The following NOVA1 variants were observed in gnomAD, a reference collection of about 807,000 sequenced individuals.
The protein encoded by NOVA1 is RNA-binding protein Nova-1.
NOVA1 carries 7 observed loss-of-function variants against 38.0 expected under a neutral mutation model. That is an observed-to-expected ratio of 0.18 (90% confidence interval 0.10 to 0.35). The LOEUF (loss-of-function observed/expected upper bound fraction) is 0.35, where lower values mean the gene tolerates loss of function less well. NOVA1 is among the 10% of genes least tolerant of loss of function. The pLI is 1.00. For missense variants in NOVA1, 460 were observed against 616.0 expected (o/e 0.75, Z 2.68); for synonymous variants, 270 against 232.5 (o/e 1.16, Z -1.47).
chr14:26,584,776 C>T (rs1331441499), intron 2 of NOVA1, among the ~76,000 whole-genome samples: 1 of 151,440 alleles, frequency 6.6e-6, no homozygotes, highest in Non-Finnish European at 1.5e-5. Flanking sequence ...TCGAAGTCTT[C>T]TTCGAAATCT....
intron 2 of NOVA1, among the ~76,000 whole-genome samples, chr14:26,540,130 C>T (rs1890368908): frequency 6.6e-6 from 1 of 152,166 alleles, no homozygotes; most frequent in Admixed American, 6.5e-5. Context: ...CCCCAATCAG[C>T]CATCCCCACT....
At chr14:26,451,111 A>T (rs890585632) in intron 4 of NOVA1, among the ~76,000 whole-genome samples, 3 of 152,176 alleles carry the variant, frequency 2.0e-5, no homozygotes, top group Admixed American at 1.3e-4. Flanking sequence ...ATAAAAGGTA[A>T]TGAAATTTTA....
intron 1 of NOVA1, 107 bp downstream of exon 1, chr14:26,597,194 G>C: frequency 3.4e-6 from 4 of 1,162,564 alleles, no homozygotes; most frequent in East Asian, 3.2e-5. Context: ...GGAGGTGTCC[G>C]GGCCGCGGGA....
intron 4 of NOVA1, among the ~76,000 whole-genome samples, chr14:26,462,604 T>C (rs1883777432): frequency 6.6e-6 from 1 of 152,154 alleles, no homozygotes. Context: ...AATAAAAATA[T>C]TACATATGTT....
chr14:26,576,866 T>C (rs1365294536), intron 2 of NOVA1, among the ~76,000 whole-genome samples: 1 of 151,978 alleles, frequency 6.6e-6, no homozygotes, highest in Non-Finnish European at 1.5e-5. Context: ...TTTTTTGGTG[T>C]GATAAGAGCA....
intron 2 of NOVA1, among the ~76,000 whole-genome samples, chr14:26,483,543 G>A (rs952779607): frequency 6.6e-6 from 1 of 152,032 alleles, no homozygotes; most frequent in Non-Finnish European, 1.5e-5. Flanking sequence ...AAAACATCAG[G>A]TATTACCAAC....
At chr14:26,567,534 G>A (rs1191899791) in intron 2 of NOVA1, among the ~76,000 whole-genome samples, 2 of 151,870 alleles carry the variant, frequency 1.3e-5, no homozygotes, top group Non-Finnish European at 2.9e-5. Context: ...GGACTCAAGC[G>A]ATCCTCCTGC....
chr14:26,512,625 T>C (rs1407974452), intron 2 of NOVA1, among the ~76,000 whole-genome samples: 2 of 152,082 alleles, frequency 1.3e-5, no homozygotes, highest in African/African-American at 4.8e-5. Context: ...TTACCCACAC[T>C]AAAAGCTTTA....
chr14:26,496,041 T>C (rs1245520044), intron 2 of NOVA1, among the ~76,000 whole-genome samples: 17 of 142,830 alleles, frequency 1.2e-4, no homozygotes, highest in African/African-American at 4.3e-4. Context: ...CAAATGGTAT[T>C]TCTAGTTCTA....
At chr14:26,504,337 T>C (rs1334096426) in intron 2 of NOVA1, among the ~76,000 whole-genome samples, 1 of 152,218 alleles carries the variant, frequency 6.6e-6, no homozygotes, top group Non-Finnish European at 1.5e-5. Flanking sequence ...GTATTTTCAA[T>C]ATACACACTT....
At chr14:26,497,207 G>A (rs1321110271) in intron 2 of NOVA1, among the ~76,000 whole-genome samples, 2 of 152,100 alleles carry the variant, frequency 1.3e-5, no homozygotes, top group South Asian at 2.1e-4. Context: ...TTGCTTCTAA[G>A]AGAATAAAAT....
At chr14:26,561,431 G>A (rs920143106) in intron 2 of NOVA1, among the ~76,000 whole-genome samples, 1 of 152,206 alleles carries the variant, frequency 6.6e-6, no homozygotes, top group African/African-American at 2.4e-5. Context: ...TAACAGAAAT[G>A]CATCCTATCA....
chr14:26,520,179 C>T (rs951930157), intron 2 of NOVA1, among the ~76,000 whole-genome samples: 2 of 152,156 alleles, frequency 1.3e-5, no homozygotes, highest in Non-Finnish European at 2.9e-5. Flanking sequence ...TAAAGTTGAC[C>T]TTTCAATAAC....
Position 26,543,929 on chromosome 14 carries a change from C to A in NOVA1, c.280+51481G>T, listed in dbSNP as rs193045892. 4.6e-5 allele frequency among the ~76,000 whole-genome samples: 7 copies of A among 151,416 alleles called. No homozygotes were observed. In the East Asian group the frequency reaches 1.4e-3, roughly 30 times the overall value. ...ACTATAAACATATACTGAGGGAAGG[C>A]AGCTTATAGATTGATTGAGAAGGAA... On this transcript the variant is annotated intron_variant, in intron 2 of 4. Coordinates refer to ENST00000539517, the MANE Select transcript of NOVA1 (RefSeq NM_002515.3).
At chr14:26,464,236 T>C (rs988924589) in intron 4 of NOVA1, among the ~76,000 whole-genome samples, 1 of 152,204 alleles carries the variant, frequency 6.6e-6, no homozygotes, top group Admixed American at 6.5e-5. Context: ...CATGAGATTA[T>C]AATGGAGCTG....
At chr14:26,597,122 C>T (rs952207154) in intron 1 of NOVA1, 179 bp downstream of exon 1, 38 of 1,217,084 alleles carry the variant, frequency 3.1e-5, no homozygotes, top group Admixed American at 2.6e-4. Flanking sequence ...GACACCTAGG[C>T]GCGGGGCAGG....
chr14:26,545,032 CATATT>C (rs1386310914), intron 2 of NOVA1, among the ~76,000 whole-genome samples: 3 of 152,024 alleles, frequency 2.0e-5, no homozygotes, highest in Non-Finnish European at 2.9e-5. Context: ...GAGTAGCACT[CATATT>C]ATATATGTTG....
chr14:26,450,720 C>A (rs2138562533), intron 4 of NOVA1, among the ~76,000 whole-genome samples: 1 of 152,172 alleles, frequency 6.6e-6, no homozygotes, highest in South Asian at 2.1e-4. Flanking sequence ...GAAAGTTAAA[C>A]TATGATTATA....
At chr14:26,545,518 A>T (rs1412957840) in intron 2 of NOVA1, among the ~76,000 whole-genome samples, 2 of 152,154 alleles carry the variant, frequency 1.3e-5, no homozygotes, top group African/African-American at 4.8e-5. Flanking sequence ...CATAAGGGTG[A>T]GCCAGAACAC....
Sources: gnomAD v4.1 joint callset for allele counts (sites outside exome capture counted in the v4.1 genomes callset) on GRCh38, gnomAD v4.1.1 for gene constraint, MANE v1.5 for transcripts, NCBI Gene and HGNC (gene_info 2026-07-23, HGNC 2026-07-21) for gene names.